Variants in FHAD1 observed in about 807,000 individuals in gnomAD.
FHAD1 encodes the protein forkhead associated phosphopeptide binding domain 1.
Under a neutral mutation model 191.3 loss-of-function variants are expected in FHAD1, and 146 were observed. The ratio of observed to expected loss-of-function variants is 0.76; its 90% confidence interval spans 0.67 to 0.88. FHAD1 has a LOEUF of 0.88. Ranked by LOEUF, FHAD1 falls within the 40% of genes least tolerant of loss-of-function variation. The pLI, the probability that FHAD1 is intolerant of heterozygous loss-of-function variation, is 0.00. For synonymous variants in FHAD1, 616 were observed against 672.3 expected, an observed-to-expected ratio of 0.92 and a Z score of 1.29; for missense variants, 1,635 against 1,785.8, an observed-to-expected ratio of 0.92 and a Z score of 1.52.
At chr1:15,323,572 C>T (rs1227034863) in intron 10 of FHAD1, among the ~76,000 whole-genome samples, 1 of 152,194 alleles carries the variant, frequency 6.6e-6, no homozygotes, top group East Asian at 1.9e-4. Context: ...CCCTAATAAA[C>T]CACTTGTGAG....
chr1:15,270,456 G>A (rs1364105563), intron 2 of FHAD1, among the ~76,000 whole-genome samples: 14 of 152,124 alleles, frequency 9.2e-5, no homozygotes, highest in Admixed American at 9.2e-4. Flanking sequence ...TCTACCAAAT[G>A]GGAAACTATC....
At position 15,316,351 on chromosome 1, in the gene FHAD1, C is replaced by T. The variant is rs1382602234; in HGVS notation, c.1171-27C>T. On this transcript the variant is annotated intron_variant, in intron 8 of 33. Coordinates refer to ENST00000688493, the MANE Select transcript of FHAD1 (RefSeq NM_001391957.1). This position sits in a 1 kb window ranked among gnomAD's most constrained non-coding sequence, Gnocchi z 4.3. ...AACCCTACCTGGCCAACGTTGGCCT[C>T]TTTCTGTGTTGCCCTTTTCTCCACA... The T allele has an allele frequency of 6.5e-7, 1 of 1,548,772 alleles. No homozygotes were observed. The highest frequency in any genetic ancestry group is 8.7e-7 in the Non-Finnish European group (1 of 1,144,788).
chr1:15,238,047 G>A (rs933802006), intron 1 of FHAD1, among the ~76,000 whole-genome samples: 4 of 151,862 alleles, frequency 2.6e-5, no homozygotes, highest in South Asian at 2.1e-4. Flanking sequence ...TCAGGAGTCC[G>A]AGACCAGCCT....
chr1:15,394,538 T>A (rs754853337), intron 33 of FHAD1, among the ~76,000 whole-genome samples: 1 of 152,144 alleles, frequency 6.6e-6, no homozygotes, highest in Non-Finnish European at 1.5e-5. Flanking sequence ...CAATCTTGAA[T>A]GCAGAGTCTC....
At chr1:15,259,510 G>C (rs1290869563) in intron 2 of FHAD1, among the ~76,000 whole-genome samples, 4 of 152,112 alleles carry the variant, frequency 2.6e-5, no homozygotes, top group Non-Finnish European at 5.9e-5. Context: ...TTTGGCTTTA[G>C]GGAACATCTA....
chr1:15,315,189 A>C (rs1673954156), intron 8 of FHAD1: 1 of 152,118 alleles, frequency 6.6e-6, no homozygotes, highest in Non-Finnish European at 1.5e-5. Flanking sequence ...AATAAAAAGT[A>C]GATAAAACTG....
At chr1:15,251,659 T>G (rs1209151411) in intron 1 of FHAD1, 112 bp from the exon 2 acceptor site, 1 of 806,548 alleles carries the variant, frequency 1.2e-6, no homozygotes, top group African/African-American at 1.7e-5. Flanking sequence ...CTCTTCTGAT[T>G]TCTCACTTTG....
intron 2 of FHAD1, among the ~76,000 whole-genome samples, chr1:15,256,801 G>A (rs1365540673): frequency 6.6e-6 from 1 of 152,172 alleles, no homozygotes; most frequent in Non-Finnish European, 1.5e-5. Context: ...CTAGGAGGGC[G>A]AAGATCATGG....
At chr1:15,303,689 A>T (rs1669536314) in intron 6 of FHAD1, among the ~76,000 whole-genome samples, 2 of 152,150 alleles carry the variant, frequency 1.3e-5, no homozygotes, top group Non-Finnish European at 2.9e-5. Context: ...TCTCTACTAA[A>T]AATACAAAAG....
rs1009611269 is a variant in FHAD1, at chr1:15,363,213, C to T, written c.3047+487C>T. Among the ~76,000 whole-genome samples, 45 of 152,270 alleles carry T rather than the reference C, an allele frequency of 3.0e-4. 1 individual carries two copies. The highest frequency in any genetic ancestry group is 2.3e-3 in the Admixed American group (35 of 15,296). On this transcript the variant is annotated intron_variant, in intron 23 of 33. Transcript: ENST00000688493. ...CAGGGCATCACATCCAGGGGCTGAG[C>T]GTGCTAACTCAGGTCTCCCTGCCTC...
intron 31 of FHAD1, among the ~76,000 whole-genome samples, chr1:15,387,619 T>A (rs191047322): frequency 6.6e-6 from 1 of 152,100 alleles, no homozygotes; most frequent in Non-Finnish European, 1.5e-5. Flanking sequence ...GTGTGGTGAC[T>A]CACACCTGTA....
upstream of FHAD1, among the ~76,000 whole-genome samples, chr1:15,246,796 C>T (rs982058639): frequency 2.6e-5 from 4 of 152,112 alleles, no homozygotes; most frequent in Non-Finnish European, 5.9e-5. Context: ...CCAATCCCCA[C>T]CCCACTCCCA....
At chr1:15,254,450 T>G (rs916225922) in intron 2 of FHAD1, among the ~76,000 whole-genome samples, 4 of 152,194 alleles carry the variant, frequency 2.6e-5, no homozygotes, top group Admixed American at 1.3e-4. Flanking sequence ...ACTAAGTAAA[T>G]GACGCCACAA....
At chr1:15,317,305 C>G (rs544321822) in intron 9 of FHAD1, among the ~76,000 whole-genome samples, 3 of 152,182 alleles carry the variant, frequency 2.0e-5, no homozygotes, top group Non-Finnish European at 4.4e-5. Context: ...CCGAATCCAC[C>G]CTGCACATCA....
chr1:15,387,334 G>C lies in FHAD1; in HGVS notation c.4189-717G>C, dbSNP rs145074026. Among the ~76,000 whole-genome samples, 89 of 152,308 alleles carry C rather than the reference G, an allele frequency of 5.8e-4. 1 individual carries two copies. Among genetic ancestry groups the C allele is most frequent in the African/African-American group, 2.0e-3 (83 of 41,572 alleles). On this transcript the variant is annotated intron_variant, in intron 31 of 33. Transcript: ENST00000688493. ...TGTTTTTGACCAAAAAGTAGAAATTGGTAGATGTGTGGGATGAGAATGGGA... is the reference window on the plus strand; with the variant it reads ...TGTTTTTGACCAAAAAGTAGAAATTCGTAGATGTGTGGGATGAGAATGGGA...
Position 15,318,818 on chromosome 1 carries a change from A to G in FHAD1, c.1365+890A>G, listed in dbSNP as rs1454235777. Among the ~76,000 whole-genome samples, 1 of 152,210 alleles carries G rather than the reference A, an allele frequency of 6.6e-6. No homozygotes were observed. Among genetic ancestry groups the G allele is most frequent in the Non-Finnish European group, 1.5e-5 (1 of 68,036 alleles). On this transcript the variant is annotated intron_variant, in intron 10 of 33. Coordinates refer to ENST00000688493, the MANE Select transcript of FHAD1 (RefSeq NM_001391957.1). This position sits in a 1 kb window ranked among gnomAD's most constrained non-coding sequence, Gnocchi z 4.1. ...AAATTAATGGTGACCTCTTTTAGCA[A>G]CATAACCAATTGAAGAGTTGTATAA...
intron 6 of FHAD1, among the ~76,000 whole-genome samples, chr1:15,304,289 C>T: frequency 6.6e-6 from 1 of 152,246 alleles, no homozygotes; most frequent in East Asian, 1.9e-4. Context: ...TGACCCAGTG[C>T]CCATTTTATT....
At chr1:15,354,358 G>A (rs768390403) in intron 20 of FHAD1, among the ~76,000 whole-genome samples, 15 of 152,174 alleles carry the variant, frequency 9.9e-5, no homozygotes, top group Non-Finnish European at 1.5e-4. Flanking sequence ...TGGATCGCAC[G>A]TCAGCCCTGG....
intron 31 of FHAD1, among the ~76,000 whole-genome samples, chr1:15,382,710 A>G (rs988463749): frequency 6.6e-6 from 1 of 152,170 alleles, no homozygotes; most frequent in African/African-American, 2.4e-5. Context: ...CTTCAGGTGG[A>G]TTTCATAGCT....
Sources: gnomAD v4.1 joint callset for allele counts (sites outside exome capture counted in the v4.1 genomes callset) on GRCh38, gnomAD v4.1.1 for gene constraint, Gnocchi (gnomAD v3.1) non-coding constraint, MANE v1.5 for transcripts, NCBI Gene and HGNC (gene_info 2026-07-23, HGNC 2026-07-21) for gene names.